The following ZMYM6 variants were observed in gnomAD, a reference collection of about 807,000 sequenced individuals.
ZMYM6 encodes the protein zinc finger MYM-type containing 6, also known as zinc finger MYM-type protein 6.
In ZMYM6, 90 loss-of-function variants were observed where a neutral mutation model predicts 134.0. The ratio of observed to expected loss-of-function variants is 0.67; its 90% confidence interval spans 0.57 to 0.80. ZMYM6 has a LOEUF of 0.80. ZMYM6 is among the 30% of genes least tolerant of loss of function. ZMYM6 has a pLI of 0.00. For missense variants in ZMYM6, 1,362 were observed against 1,533.9 expected (o/e 0.89, Z 1.87); for synonymous variants, 481 against 524.1 (o/e 0.92, Z 1.12).
At chr1:35,017,390 TAA>T (rs1416503615) in intron 4 of ZMYM6, 1 of 152,208 alleles carries the variant, frequency 6.6e-6, no homozygotes, top group Non-Finnish European at 1.5e-5. Context: ...AACAGAGCAA[TAA>T]AGAGTTTCAC....
At position 35,014,863 on chromosome 1, in the gene ZMYM6, T is replaced by C; in HGVS notation, c.629A>G (p.Asn210Ser). ...ADTRFEVKYQ[N>S]VVHGLCSDAC... ...ATCACTACAAAGACCATGTACCACA[T>C]TTTGATATTTAACTTCAAATCGAGT... The change falls in exon 6 of 16, where the codon AAT becomes AGT. Residue 210 changes from asparagine to serine, a missense_variant. Asn to Ser is a conservative substitution (Grantham distance 46). This residue lies in a region of ZMYM6 where 503 missense variants were observed against 520.8 expected (regional missense o/e 0.97). Coordinates refer to ENST00000357182, the MANE Select transcript of ZMYM6 (RefSeq NM_007167.4). The C allele has an allele frequency of 6.2e-7, 1 of 1,614,174 alleles. No homozygotes were observed.
At chr1:34,996,247 T>C (rs1419152836) in intron 14 of ZMYM6, among the ~76,000 whole-genome samples, 2 of 152,182 alleles carry the variant, frequency 1.3e-5, no homozygotes, top group East Asian at 3.8e-4. Flanking sequence ...GTATTACCAT[T>C]TTGTTATTTC....
intron 4 of ZMYM6, among the ~76,000 whole-genome samples, chr1:35,016,092 C>A (rs1641183196): frequency 6.6e-6 from 1 of 151,744 alleles, no homozygotes; most frequent in Non-Finnish European, 1.5e-5. Flanking sequence ...GCTGGGACAC[C>A]AGCACGTGCC....
intron 2 of ZMYM6, among the ~76,000 whole-genome samples, chr1:35,022,160 T>C (rs1397811997): frequency 1.3e-5 from 2 of 152,232 alleles, no homozygotes; most frequent in African/African-American, 4.8e-5. Flanking sequence ...CTCTATAAGA[T>C]ATGCCTTCTT....
intron 2 of ZMYM6, among the ~76,000 whole-genome samples, 200 bp from the exon 3 acceptor site, chr1:35,020,667 G>A (rs1162751639): frequency 4.0e-5 from 6 of 149,400 alleles, no homozygotes; most frequent in African/African-American, 1.5e-4. Context: ...CTGCCTCCCA[G>A]GTTCAAGCGA....
rs765967260 is a variant in ZMYM6, at chr1:34,988,068, G to C, written c.3014C>G (p.Ala1005Gly). 6.4e-7 allele frequency: 1 copy of C among 1,551,458 alleles called. No homozygotes were observed. The highest frequency in any genetic ancestry group is 2.0e-5 in the Admixed American group (1 of 50,986). Reference sequence around the variant, plus strand: ...GTGAATAAAACAATGTGTAAATGCCGCTGTATTCATGGCAACTTCTTGAAT... The same window carrying C: ...GTGAATAAAACAATGTGTAAATGCCCCTGTATTCATGGCAACTTCTTGAAT... ...AKIQEVAMNT[A>G]AFTHCFIHRE... Residue 1005 changes from alanine to glycine, a missense_variant, in exon 16 of 16, where the codon GCG (alanine) becomes GGG (glycine). Around this residue, in one of 3 missense-constraint regions of ZMYM6, gnomAD observed 824 missense variants for 940.9 expected, o/e 0.88. Coordinates refer to ENST00000357182, the MANE Select transcript of ZMYM6 (RefSeq NM_007167.4).
At chr1:34,995,023 GTATA>G (rs956303854) in intron 14 of ZMYM6, among the ~76,000 whole-genome samples, 2 of 103,644 alleles carry the variant, frequency 1.9e-5, no homozygotes, top group Non-Finnish European at 3.2e-5. Flanking sequence ...ACTTACATAC[GTATA>G]TATATGTAAT....
chr1:35,014,713 A>T lies in ZMYM6; in HGVS notation c.779T>A (p.Val260Asp). The T allele has an allele frequency of 6.2e-7, 1 of 1,613,842 alleles. No individual in the cohort carries two copies. Among genetic ancestry groups the T allele is most frequent in the Non-Finnish European group, 8.5e-7 (1 of 1,179,878 alleles). ...QSQKVFSSTS[V>D]TAYKQNSAQI... Reference sequence around the variant, plus strand: ...TATTCATACCTGCTTGTATGCCGTGACACTTGTTGAACTAAAAACCTTCTG... The same window carrying T: ...TATTCATACCTGCTTGTATGCCGTGTCACTTGTTGAACTAAAAACCTTCTG... Residue 260 changes from valine (V) to aspartate (D), a missense_variant, in exon 6 of 16, where the codon GTC (valine) becomes GAC (aspartate). Around this residue, in one of 3 missense-constraint regions of ZMYM6, gnomAD observed 503 missense variants for 520.8 expected, o/e 0.97. Transcript: ENST00000357182.
Position 35,010,608 on chromosome 1 carries a change from A to T in ZMYM6, c.1342-11T>A. The stretch of plus-strand genomic sequence containing the variant: ...CAGAAACATTTTACCCTGCAGAGAA[A>T]CAACAGTCCATTAAGAGCCAACTAA... On this transcript the variant is annotated splice_polypyrimidine_tract_variant and intron_variant, in intron 9 of 15. Coordinates refer to ENST00000357182, the MANE Select transcript of ZMYM6 (RefSeq NM_007167.4). The T allele has an allele frequency of 6.2e-7, 1 of 1,602,496 alleles. No homozygotes were observed. The highest frequency in any genetic ancestry group is 8.5e-7 in the Non-Finnish European group (1 of 1,176,624).
chr1:35,015,805 C>G (rs914835207), intron 4 of ZMYM6, among the ~76,000 whole-genome samples: 1 of 148,982 alleles, frequency 6.7e-6, no homozygotes, highest in Non-Finnish European at 1.5e-5. Context: ...AGGCTTCCAG[C>G]CCCAACCAAG....
rs1194154611 is a variant in ZMYM6, at chr1:35,010,816, A to C, written c.1283T>G (p.Leu428Arg). The C allele has an allele frequency of 6.2e-7, 1 of 1,603,280 alleles. No homozygotes were observed. ...QVALTHTVVKLKCQHCNHLFA... is the reference protein window; with the variant it reads ...QVALTHTVVKRKCQHCNHLFA... The stretch of plus-strand genomic sequence containing the variant: ...TAGATGGTTACAGTGCTGACACTTG[A>C]GTTTAACAACTGTATGGGTTAAAGC... The change falls in exon 9 of 16, where the codon CTC becomes CGC. Residue 428 changes from leucine to arginine, a missense_variant. Physicochemically the swap from Leu to Arg is moderately radical, Grantham distance 102 (BLOSUM62 -2). Transcript: ENST00000357182.
In ZMYM6 at chr1:35,013,332, C is replaced by A. The variant is rs148639139; in HGVS notation, c.796-751G>T. ...AGGCTCCAAAGTTCAGGCTCCTAAC[C>A]ACTACACTATGCTGTCAGTGATACA... On this transcript the variant is annotated intron_variant, in intron 6 of 15. Coordinates refer to ENST00000357182, the MANE Select transcript of ZMYM6 (RefSeq NM_007167.4). The A allele has an allele frequency of 2.0e-3, 1,958 of 967,946 alleles. 3 individuals are homozygous for A. The highest frequency in any genetic ancestry group is 3.2e-3 in the Middle Eastern group (6 of 1,886). The allele number at this position is 967,946 out of a possible 1,614,324, so 60.0% of individuals were successfully genotyped here. A position where few individuals can be genotyped will look rare whatever the true frequency, so the allele number is the denominator to read the frequency against.
In ZMYM6 at chr1:34,988,100, T is replaced by A. The variant is rs1640604903; in HGVS notation, c.2982A>T (p.Lys994Asn). 8.4e-6 allele frequency: 13 copies of A among 1,551,512 alleles called. No individual in the cohort carries two copies. Among genetic ancestry groups the A allele is most frequent in the Non-Finnish European group, 1.1e-5 (13 of 1,146,990 alleles). The change falls in exon 16 of 16, where the codon AAA becomes AAT. Residue 994 changes from lysine to asparagine, a missense_variant. By Grantham distance (94) the Lys-to-Asn change is moderately conservative. Coordinates refer to ENST00000357182, the MANE Select transcript of ZMYM6 (RefSeq NM_007167.4). ...TCATGGCAACTTCTTGAATTTTTGC[T>A]TTTAAACCAGAATACCTGCCAGTCA... is the stretch of plus-strand genomic sequence containing the variant. ...ASMTGRYSGLKAKIQEVAMNT... is the reference protein window; with the variant it reads ...ASMTGRYSGLNAKIQEVAMNT...
At position 35,030,548 on chromosome 1, in the gene ZMYM6, T is replaced by C. The variant is rs201542673; in HGVS notation, c.92A>G (p.Gln31Arg). 9 of 1,605,808 alleles carry C rather than the reference T, an allele frequency of 5.6e-6. No individual in the cohort carries two copies. The East Asian group carries it at 1.6e-4, about 28-fold the overall frequency. Reference protein sequence around the residue: ...DKIKEEPDNAQEYGCVQQPKT... With the variant: ...DKIKEEPDNAREYGCVQQPKT... ...TTTAAATGAAGATGAAATGCTTACT[T>C]GAGCATTGTCTGGTTCTTCTTTAAT... is the stretch of plus-strand genomic sequence containing the variant. The change falls in exon 2 of 16, where the codon CAA becomes CGA. Residue 31 changes from glutamine to arginine, a missense_variant and splice_region_variant. Around this residue, in one of 3 missense-constraint regions of ZMYM6, gnomAD observed 503 missense variants for 520.8 expected, o/e 0.97. Coordinates refer to ENST00000357182, the MANE Select transcript of ZMYM6 (RefSeq NM_007167.4).
At chr1:34,995,222 T>C (rs1640762752) in intron 14 of ZMYM6, among the ~76,000 whole-genome samples, 1 of 148,528 alleles carries the variant, frequency 6.7e-6, no homozygotes, top group Non-Finnish European at 1.5e-5. Flanking sequence ...GCTCTCTCTC[T>C]ATATATATAC....
At chr1:35,010,186 G>A (rs1386850348) in intron 10 of ZMYM6, among the ~76,000 whole-genome samples, 1 of 151,386 alleles carries the variant, frequency 6.6e-6, no homozygotes, top group Non-Finnish European at 1.5e-5. Flanking sequence ...ATTTTGTATA[G>A]AGACGGTGTT....
chr1:35,012,524 T>C lies in ZMYM6; in HGVS notation c.853A>G (p.Met285Val). 2.5e-6 allele frequency: 4 copies of C among 1,613,458 alleles called. No individual in the cohort carries two copies. The East Asian group carries it at 8.9e-5, about 36-fold the overall frequency. Residue 285 changes from methionine (M) to valine (V), a missense_variant, in exon 7 of 16, where the codon ATG (methionine) becomes GTG (valine). This residue lies in a region of ZMYM6 where 503 missense variants were observed against 520.8 expected (regional missense o/e 0.97). Coordinates refer to ENST00000357182, the MANE Select transcript of ZMYM6 (RefSeq NM_007167.4). ...LGKSLRPSAE[M>V]IETTNDSGKT... The stretch of plus-strand genomic sequence containing the variant: ...CCTGAATCATTTGTAGTCTCAATCA[T>C]TTCAGCTGAGGGCCTCAATGACTTC...
At chr1:35,015,590 G>C (rs548863144) in intron 4 of ZMYM6, among the ~76,000 whole-genome samples, 61 of 151,362 alleles carry the variant, frequency 4.0e-4, no homozygotes, top group African/African-American at 9.5e-4. Flanking sequence ...TGGGCGTGGT[G>C]GTGGGCGCCT....
chr1:35,014,604 T>C lies in ZMYM6; in HGVS notation c.795+93A>G, dbSNP rs1569779469. The C allele has an allele frequency of 2.2e-5, 27 of 1,218,574 alleles. No homozygotes were observed. In the East Asian group the frequency reaches 5.8e-4, roughly 26 times the overall value. 75.5% of individuals were successfully genotyped at this position (1,218,574 alleles called of 1,614,324 possible). ...GAAATCACATATCAGGATGGACTAA[T>C]GGGAGGAGCTCACTCTCATTTTGTA... On this transcript the variant is annotated intron_variant, in intron 6 of 15. Transcript: ENST00000357182.
Sources: allele counts gnomAD v4.1 joint callset (sites outside exome capture counted in the v4.1 genomes callset), GRCh38; gene constraint gnomAD v4.1.1; regional missense constraint gnomAD v4.1.1; transcripts MANE v1.5; gene names NCBI Gene and HGNC (gene_info 2026-07-23, HGNC 2026-07-21).